BMP5: variants seen among roughly 807,000 people sequenced by gnomAD.
BMP5 encodes bone morphogenetic protein 5.
In BMP5, 23 loss-of-function variants were observed where a neutral mutation model predicts 46.6. The ratio of observed to expected loss-of-function variants is 0.49; its 90% confidence interval spans 0.35 to 0.70. The LOEUF is 0.70. BMP5 is among the 30% of genes least tolerant of loss of function. The probability of loss-of-function intolerance (pLI) is 0.00; values close to 1 mark genes in which losing one functional copy is unlikely to be tolerated. For missense variants in BMP5, 545 were observed against 565.6 expected (o/e 0.96, Z 0.37); for synonymous variants, 204 against 191.9 (o/e 1.06, Z -0.52).
At chr6:55,842,809 T>C (rs1776994564) in intron 1 of BMP5, among the ~76,000 whole-genome samples, 2 of 152,206 alleles carry the variant, frequency 1.3e-5, no homozygotes, top group Admixed American at 1.3e-4. Context: ...TGTTGTGTTA[T>C]ACTTCTTAGC....
At chr6:55,857,012 C>T (rs947808673) in intron 1 of BMP5, among the ~76,000 whole-genome samples, 3 of 152,008 alleles carry the variant, frequency 2.0e-5, no homozygotes, top group African/African-American at 7.2e-5. Flanking sequence ...TTGACACTGC[C>T]GAAGCTTTGT....
intron 2 of BMP5, among the ~76,000 whole-genome samples, chr6:55,798,645 A>C (rs935390656): frequency 6.6e-6 from 1 of 152,196 alleles, no homozygotes; most frequent in African/African-American, 2.4e-5. Context: ...AAATAAGCTT[A>C]TCAGATATGA....
chr6:55,807,968 C>T (rs1423448342), intron 2 of BMP5, among the ~76,000 whole-genome samples: 2 of 152,168 alleles, frequency 1.3e-5, no homozygotes, highest in Non-Finnish European at 2.9e-5. Flanking sequence ...GCATGGGGAG[C>T]AGGACCAGTT....
intron 1 of BMP5, among the ~76,000 whole-genome samples, chr6:55,833,030 G>A (rs1204942052): frequency 6.6e-6 from 1 of 152,074 alleles, no homozygotes; most frequent in Non-Finnish European, 1.5e-5. Context: ...GCAGGAAGAT[G>A]ACTTGAGCCC....
At chr6:55,779,643 T>C (rs915591779) in intron 3 of BMP5, among the ~76,000 whole-genome samples, 1 of 152,096 alleles carries the variant, frequency 6.6e-6, no homozygotes, top group Non-Finnish European at 1.5e-5. Context: ...TCTTGTCTAC[T>C]TAAATTCTAT....
chr6:55,780,287 A>G (rs143105126), intron 3 of BMP5, among the ~76,000 whole-genome samples: 3 of 151,552 alleles, frequency 2.0e-5, no homozygotes, highest in African/African-American at 4.8e-5. Flanking sequence ...ACCCTGACAC[A>G]CTGATATGAA....
chr6:55,790,959 C>T (rs915375621), intron 3 of BMP5, among the ~76,000 whole-genome samples: 106 of 152,204 alleles, frequency 7.0e-4, no homozygotes, highest in African/African-American at 2.5e-3. Context: ...TTTTGTAACC[C>T]GCTACCTTGC....
chr6:55,863,092 G>C (rs1777561611), intron 1 of BMP5, among the ~76,000 whole-genome samples: 1 of 152,230 alleles, frequency 6.6e-6, no homozygotes, highest in Middle Eastern at 3.4e-3. Flanking sequence ...CACAGTGTCT[G>C]GCCCAATAGT....
intron 2 of BMP5, among the ~76,000 whole-genome samples, chr6:55,807,391 C>A (rs9475412): frequency 3.3e-5 from 5 of 152,166 alleles, no homozygotes; most frequent in South Asian, 2.1e-4. Context: ...GTTGAACCAG[C>A]CTTGCATCCC....
At chr6:55,794,754 C>T (rs1351033797) in intron 2 of BMP5, among the ~76,000 whole-genome samples, 2 of 152,074 alleles carry the variant, frequency 1.3e-5, no homozygotes, top group Non-Finnish European at 2.9e-5. Context: ...GTAAGTAGTC[C>T]TCAAAACAAA....
rs1211398935 is a variant in BMP5, at chr6:55,874,652, T to C, written c.214A>G (p.Lys72Glu). The change falls in exon 1 of 7, where the codon AAA becomes GAA. Residue 72 changes from lysine (K) to glutamate (E), a missense_variant. By Grantham distance (56) the Lys-to-Glu change is moderately conservative. Coordinates refer to ENST00000370830, the MANE Select transcript of BMP5 (RefSeq NM_021073.4). The stretch of plus-strand genomic sequence containing the variant: ...AAGAGAGGTGCAGAGGACGCTTGTT[T>C]TCCAGGTGAAAATGGTCTGGGTCTG... ...PHRPRPFSPG[K>E]QASSAPLFML... 2 of 1,613,656 alleles carry C rather than the reference T, an allele frequency of 1.2e-6. No individual in the cohort carries two copies. Among genetic ancestry groups the C allele is most frequent in the Non-Finnish European group, 1.7e-6 (2 of 1,179,734 alleles).
intron 1 of BMP5, among the ~76,000 whole-genome samples, chr6:55,831,034 G>C (rs1776651602): frequency 3.3e-5 from 5 of 152,012 alleles, no homozygotes; most frequent in Admixed American, 3.3e-4. Context: ...GTTAGAGTGT[G>C]TTAGCATACT....
In BMP5 at chr6:55,875,495, C is replaced by G. The variant is rs1008085953; in HGVS notation, c.-630G>C. On this transcript the variant is annotated 5_prime_UTR_variant, in exon 1 of 7. Transcript: ENST00000370830. Reference sequence around the variant, plus strand: ...TCCCTGAATTTACTTGAAATCCTTCCTGTAAGTCCATTCAATCCCTTTCTC... The same window carrying G: ...TCCCTGAATTTACTTGAAATCCTTCGTGTAAGTCCATTCAATCCCTTTCTC... The G allele has an allele frequency of 1.3e-5, 2 of 153,768 alleles. No homozygotes were observed. The highest frequency in any genetic ancestry group is 4.8e-5 in the African/African-American group (2 of 41,438). 9.5% of individuals were successfully genotyped at this position (153,768 alleles called of 1,614,324 possible).
intron 3 of BMP5, among the ~76,000 whole-genome samples, chr6:55,777,540 A>G (rs1179065050): frequency 1.3e-5 from 2 of 152,018 alleles, no homozygotes; most frequent in African/African-American, 4.8e-5. Context: ...GTGAGGTAAC[A>G]AAAAGAACAT....
chr6:55,828,919 A>C (rs1286512402), intron 1 of BMP5, among the ~76,000 whole-genome samples: 2 of 151,856 alleles, frequency 1.3e-5, no homozygotes, highest in East Asian at 3.9e-4. Flanking sequence ...GTCATTTTGC[A>C]AAAAGACAAA....
At chr6:55,756,372 T>A (rs573163601) in intron 6 of BMP5, among the ~76,000 whole-genome samples, 143 of 151,944 alleles carry the variant, frequency 9.4e-4, no homozygotes, top group Non-Finnish European at 1.5e-3. Flanking sequence ...GCCTAGAGAC[T>A]TTACAAATGA....
At chr6:55,767,765 T>C (rs1166378528) in intron 4 of BMP5, among the ~76,000 whole-genome samples, 1 of 152,006 alleles carries the variant, frequency 6.6e-6, no homozygotes, top group Non-Finnish European at 1.5e-5. Flanking sequence ...GTACAGCATT[T>C]ATTTTGAGAG....
chr6:55,817,654 G>A (rs1776309131), intron 2 of BMP5, among the ~76,000 whole-genome samples: 1 of 152,032 alleles, frequency 6.6e-6, no homozygotes, highest in African/African-American at 2.4e-5. Flanking sequence ...AATGCTGAAT[G>A]ACGAGTTAAT....
At chr6:55,771,061 A>T (rs576982783) in intron 4 of BMP5, among the ~76,000 whole-genome samples, 25 of 152,000 alleles carry the variant, frequency 1.6e-4, no homozygotes, top group Non-Finnish European at 2.9e-4. Context: ...TGTTGGAAAA[A>T]ATGTCACCAA....
Sources: allele counts gnomAD v4.1 joint callset (sites outside exome capture counted in the v4.1 genomes callset), GRCh38; gene constraint gnomAD v4.1.1; transcripts MANE v1.5; gene names NCBI Gene and HGNC (gene_info 2026-07-23, HGNC 2026-07-21).